The following GMDS variants were observed in gnomAD, a reference collection of about 807,000 sequenced individuals.
GMDS encodes the protein GDP-mannose 4,6-dehydratase.
Under a neutral mutation model 49.9 loss-of-function variants are expected in GMDS, and 20 were observed. The ratio of observed to expected loss-of-function variants is 0.40; its 90% CI spans 0.28 to 0.58. The LOEUF is 0.58. Among genes scored for constraint, GMDS ranks in the 20% least tolerant of loss-of-function variants. The probability of loss-of-function intolerance (pLI) is 0.42; values close to 1 mark genes in which losing one functional copy is unlikely to be tolerated. For synonymous variants in GMDS, 177 were observed against 178.6 expected (o/e 0.99, Z 0.07); for missense variants, 362 against 481.4 (o/e 0.75, Z 2.32).
intron 4 of GMDS, among the ~76,000 whole-genome samples, chr6:2,054,707 G>A (rs775576771): frequency 7.2e-5 from 11 of 151,870 alleles, no homozygotes; most frequent in South Asian, 2.1e-4. Context: ...CCACCCATGA[G>A]TCTGAGTTTG....
At chr6:1,965,005 C>A (rs1764184195) in intron 4 of GMDS, among the ~76,000 whole-genome samples, 2 of 151,886 alleles carry the variant, frequency 1.3e-5, no homozygotes, top group Non-Finnish European at 2.9e-5. Flanking sequence ...ATGAACTCAT[C>A]ATTTTTTATG....
In GMDS at chr6:1,865,976, C is replaced by T. The variant is rs542052710; in HGVS notation, c.771+64127G>A. Among the ~76,000 whole-genome samples the T allele has an allele frequency of 2.0e-5, 3 of 152,306 alleles. No homozygotes were observed. The East Asian group carries it at 5.8e-4, about 29-fold the overall frequency. ...ACACTACCCCAAACTCAATTCCTGGCTGGCAAACTGTGGTAAAGGATGTTA... is the reference window on the plus strand; with the variant it reads ...ACACTACCCCAAACTCAATTCCTGGTTGGCAAACTGTGGTAAAGGATGTTA... On this transcript the variant is annotated intron_variant, in intron 7 of 10. Transcript: ENST00000380815.
chr6:2,243,840 C>CTTTTTTTT (rs1781725608), intron 1 of GMDS, among the ~76,000 whole-genome samples: 1 of 127,128 alleles, frequency 7.9e-6, no homozygotes, highest in African/African-American at 3.4e-5. Flanking sequence ...TCAACTTCTC[C>CTTTTTTTT]TTCTTTTTTT....
Position 1,790,217 on chromosome 6 carries a change from T to C in GMDS, c.772-47631A>G, listed in dbSNP as rs548863199. On this transcript the variant is annotated intron_variant, in intron 7 of 10. Coordinates refer to ENST00000380815, the MANE Select transcript of GMDS (RefSeq NM_001500.4). ...AGTATGACAGCTCAGAAAGAAATTT[T>C]CAGCATTTAGGGCTTATTAGACAAG... 1.5e-4 allele frequency among the ~76,000 whole-genome samples: 23 copies of C among 152,280 alleles called. 1 individual carries two copies. In the South Asian group the frequency reaches 4.1e-3, roughly 27 times the overall value.
At chr6:2,043,938 C>T (rs561627664) in intron 4 of GMDS, among the ~76,000 whole-genome samples, 28 of 152,114 alleles carry the variant, frequency 1.8e-4, no homozygotes, top group South Asian at 8.3e-4. Flanking sequence ...AGAAGACATA[C>T]GTGTGGCCAA....
In GMDS at chr6:1,635,745, C is replaced by T. The variant is rs1763125899; in HGVS notation, c.988-11205G>A. Reference sequence around the variant, plus strand: ...TGCCAACTTGCCTAAAATGATACTGCGGTGGATGTGAAGGCGCTTTGGAAA... The same window carrying T: ...TGCCAACTTGCCTAAAATGATACTGTGGTGGATGTGAAGGCGCTTTGGAAA... On this transcript the variant is annotated intron_variant, in intron 9 of 10. Transcript: ENST00000380815. This position sits in a 1 kb window ranked among gnomAD's most constrained non-coding sequence, Gnocchi z 4.7. Among the ~76,000 whole-genome samples the T allele has an allele frequency of 6.6e-6, 1 of 152,114 alleles. No individual in the cohort carries two copies. Among genetic ancestry groups the T allele is most frequent in the Non-Finnish European group, 1.5e-5 (1 of 68,000 alleles).
chr6:1,835,432 T>C (rs1756880626), intron 7 of GMDS, among the ~76,000 whole-genome samples: 1 of 152,204 alleles, frequency 6.6e-6, no homozygotes, highest in African/African-American at 2.4e-5. Context: ...TAGGGAGTTG[T>C]TATAACAAAT....
rs750793846 is a variant in GMDS, at chr6:1,774,115, T to A, written c.772-31529A>T. 3.5e-4 allele frequency among the ~76,000 whole-genome samples: 53 copies of A among 152,354 alleles called. 2 individuals carry two copies. The highest frequency in any genetic ancestry group is 1.7e-3 in the South Asian group (8 of 4,822). ...AAATTCCCAAAGAGTGCTGACTATA[T>A]CAGAGGCAAGGCCTTATAAATAAAT... is the stretch of plus-strand genomic sequence containing the variant. On this transcript the variant is annotated intron_variant, in intron 7 of 10. Transcript: ENST00000380815.
intron 7 of GMDS, among the ~76,000 whole-genome samples, chr6:1,790,246 C>T (rs1390629333): frequency 1.3e-5 from 2 of 152,138 alleles, no homozygotes; most frequent in African/African-American, 4.8e-5. Context: ...AGACAAGCCC[C>T]TCTTCTCAAA....
At chr6:1,780,773 T>A (rs1769049389) in intron 7 of GMDS, among the ~76,000 whole-genome samples, 1 of 152,224 alleles carries the variant, frequency 6.6e-6, no homozygotes, top group African/African-American at 2.4e-5. Context: ...TGGTGAGATG[T>A]CAGACTCAGA....
At chr6:2,006,999 TAGAGAA>T (rs1767226550) in intron 4 of GMDS, among the ~76,000 whole-genome samples, 1 of 152,172 alleles carries the variant, frequency 6.6e-6, no homozygotes, top group Admixed American at 6.5e-5. Flanking sequence ...TCCCTAGGAA[TAGAGAA>T]AAAGTGACAA....
chr6:1,698,517 TTTGC>T (rs1765422621), intron 9 of GMDS, among the ~76,000 whole-genome samples: 1 of 152,180 alleles, frequency 6.6e-6, no homozygotes, highest in African/African-American at 2.4e-5. Context: ...CTCTGGGGAC[TTTGC>T]TTATTAGAAA....
intron 4 of GMDS, among the ~76,000 whole-genome samples, chr6:2,104,881 G>A (rs1435057859): frequency 6.6e-6 from 1 of 152,104 alleles, no homozygotes; most frequent in African/African-American, 2.4e-5. Flanking sequence ...AAATGATAGA[G>A]TGAAATGATC....
At chr6:1,818,538 G>A (rs1770761075) in intron 7 of GMDS, among the ~76,000 whole-genome samples, 1 of 151,126 alleles carries the variant, frequency 6.6e-6, no homozygotes, top group Non-Finnish European at 1.5e-5. Flanking sequence ...AACCCAGGAG[G>A]CGGAGGTTAC....
At chr6:1,735,522 G>GC (rs1255590443) in intron 8 of GMDS, among the ~76,000 whole-genome samples, 1 of 152,184 alleles carries the variant, frequency 6.6e-6, no homozygotes, top group African/African-American at 2.4e-5. Context: ...GTGGGAAGTG[G>GC]CCAGGAGAAG....
intron 6 of GMDS, among the ~76,000 whole-genome samples, chr6:1,940,421 C>T (rs1246547251): frequency 6.6e-6 from 1 of 152,202 alleles, no homozygotes; most frequent in Admixed American, 6.5e-5. Flanking sequence ...CCTTGGGGCC[C>T]TGCATTTTTC....
chr6:1,686,811 C>G (rs62388304), intron 9 of GMDS, among the ~76,000 whole-genome samples: 19,391 of 152,178 alleles, frequency 0.13, 1,682 homozygotes, highest in Non-Finnish European at 0.18. Context: ...GGGTTAAAAC[C>G]ATTCACTCTG....
chr6:2,227,390 T>C (rs899658518), intron 1 of GMDS, among the ~76,000 whole-genome samples: 2 of 152,172 alleles, frequency 1.3e-5, no homozygotes, highest in African/African-American at 4.8e-5. Flanking sequence ...GCCCAAGTAA[T>C]TCTATTACAC....
intron 8 of GMDS, among the ~76,000 whole-genome samples, chr6:1,729,514 A>G (rs1766715461): frequency 2.0e-5 from 3 of 152,246 alleles, no homozygotes. Context: ...ACCACTTTCT[A>G]ATTTGCACCA....
Sources: allele counts gnomAD v4.1 joint callset (sites outside exome capture counted in the v4.1 genomes callset), GRCh38; gene constraint gnomAD v4.1.1; non-coding constraint Gnocchi (gnomAD v3.1); transcripts MANE v1.5; gene names NCBI Gene and HGNC (gene_info 2026-07-23, HGNC 2026-07-21).